Variants in NELL1 observed in about 807,000 individuals in gnomAD.
NELL1 encodes the protein protein kinase C-binding protein NELL1.
Under a neutral mutation model 107.4 loss-of-function variants are expected in NELL1, and 76 were observed. The ratio of observed to expected loss-of-function variants is 0.71; its 90% CI spans 0.59 to 0.86. The LOEUF is 0.86. NELL1 is among the 40% of genes least tolerant of loss of function. NELL1 has a pLI of 0.00. For synonymous variants in NELL1, 353 were observed against 341.2 expected (o/e 1.03, Z -0.38); for missense variants, 1,024 against 1,005.5 (o/e 1.02, Z -0.25).
In NELL1 at chr11:21,317,995, A is replaced by G. The variant is rs552434807; in HGVS notation, c.1550-52858A>G. On this transcript the variant is annotated intron_variant, in intron 14 of 19. Transcript: ENST00000357134. ...ATATGTATTTCTTATGGGGTAAGACATGGTGCCTCTATGTGCTTTCAAATG... is the reference window on the plus strand; with the variant it reads ...ATATGTATTTCTTATGGGGTAAGACGTGGTGCCTCTATGTGCTTTCAAATG... Among the ~76,000 whole-genome samples, 252 of 152,284 alleles carry G rather than the reference A, an allele frequency of 1.7e-3. 2 individuals are homozygous for G. The highest frequency in any genetic ancestry group is 5.7e-3 in the African/African-American group (237 of 41,560).
chr11:21,180,594 G>T (rs902942736), intron 13 of NELL1, among the ~76,000 whole-genome samples: 2 of 151,756 alleles, frequency 1.3e-5, no homozygotes, highest in South Asian at 4.2e-4. Flanking sequence ...AGCCATTTAG[G>T]GTTCAATTTG....
chr11:21,568,276 C>CA (rs897938565), intron 17 of NELL1, among the ~76,000 whole-genome samples: 1 of 151,612 alleles, frequency 6.6e-6, no homozygotes, highest in South Asian at 2.1e-4. Context: ...ATATAAAAGA[C>CA]AAAAAATGGT....
chr11:20,969,340 G>T (rs1851448244), intron 12 of NELL1, among the ~76,000 whole-genome samples: 1 of 152,134 alleles, frequency 6.6e-6, no homozygotes, highest in Non-Finnish European at 1.5e-5. Flanking sequence ...GTGCTAGAAA[G>T]AAAGCAATTC....
At chr11:20,824,025 C>A (rs1857818798) in intron 3 of NELL1, among the ~76,000 whole-genome samples, 1 of 151,242 alleles carries the variant, frequency 6.6e-6, no homozygotes, top group African/African-American at 2.4e-5. Context: ...TCATCTTGAG[C>A]TGTAATCCAA....
intron 14 of NELL1, chr11:21,284,432 G>C (rs1849067545): frequency 2.2e-6 from 1 of 457,686 alleles, no homozygotes; most frequent in Non-Finnish European, 4.4e-6. Flanking sequence ...ATGCAAAAAA[G>C]TGATGGCTGT....
chr11:21,182,092 C>A (rs984955833), intron 13 of NELL1, among the ~76,000 whole-genome samples: 1 of 151,864 alleles, frequency 6.6e-6, no homozygotes, highest in African/African-American at 2.4e-5. Context: ...GATGGTGGAG[C>A]TGAGATTCAA....
chr11:20,748,778 C>T lies in NELL1; in HGVS notation c.185-34902C>T, dbSNP rs143111420. The stretch of plus-strand genomic sequence containing the variant: ...GCTAAATAGTATTCCATAGTATATG[C>T]GTGTATATATATAATTTTCTTTATC... On this transcript the variant is annotated intron_variant, in intron 2 of 19. Coordinates refer to ENST00000357134, the MANE Select transcript of NELL1 (RefSeq NM_006157.5). 7.0e-3 allele frequency among the ~76,000 whole-genome samples: 1,045 copies of T among 150,278 alleles called. 25 individuals carry two copies. Among genetic ancestry groups the T allele is most frequent in the African/African-American group, 0.025 (996 of 39,754 alleles).
chr11:21,497,094 G>T (rs112114724), intron 15 of NELL1, among the ~76,000 whole-genome samples: 229 of 144,570 alleles, frequency 1.6e-3, no homozygotes, highest in African/African-American at 5.4e-3. Flanking sequence ...GCATACGTGT[G>T]CATGTGTCTT....
At chr11:21,070,688 A>G (rs966489874) in intron 12 of NELL1, among the ~76,000 whole-genome samples, 1 of 152,116 alleles carries the variant, frequency 6.6e-6, no homozygotes, top group Non-Finnish European at 1.5e-5. Flanking sequence ...AGCATATACC[A>G]TTCAGCACAG....
chr11:20,816,802 G>T (rs1000323587), intron 3 of NELL1, among the ~76,000 whole-genome samples: 2 of 152,030 alleles, frequency 1.3e-5, no homozygotes, highest in Non-Finnish European at 2.9e-5. Flanking sequence ...TTATTACTTT[G>T]ATGTATATTT....
chr11:21,226,143 AAC>A (rs1271887181), intron 13 of NELL1, among the ~76,000 whole-genome samples: 11 of 152,226 alleles, frequency 7.2e-5, no homozygotes, highest in South Asian at 2.1e-4. Context: ...GTCTCTATTA[AAC>A]ACAGTTTTGA....
intron 15 of NELL1, among the ~76,000 whole-genome samples, chr11:21,391,176 G>A (rs986006150): frequency 6.6e-6 from 1 of 151,742 alleles, no homozygotes; most frequent in Non-Finnish European, 1.5e-5. Flanking sequence ...TCAGAATATT[G>A]TAGGATTAAG....
At chr11:21,555,975 C>CAA (rs1214779422) in intron 16 of NELL1, among the ~76,000 whole-genome samples, 1 of 151,912 alleles carries the variant, frequency 6.6e-6, no homozygotes, top group East Asian at 1.9e-4. Context: ...ATTTATTGTG[C>CAA]AGGTTAAAAT....
rs147067365 is a variant in NELL1, at chr11:21,569,455, TATGATGATGATG to T, written c.1981-1282_1981-1271del. ...GATAAGTATTAAATACATGGTAGAA[TATGATGATGATG>T]ATGATGATGATGATGATGATGATGA... On this transcript the variant is annotated intron_variant, in intron 17 of 19. Transcript: ENST00000357134. 3.2e-3 allele frequency among the ~76,000 whole-genome samples: 485 copies of T among 149,774 alleles called. 4 individuals are homozygous for T. Among genetic ancestry groups the T allele is most frequent in the African/African-American group, 0.011 (450 of 40,812 alleles).
intron 5 of NELL1, among the ~76,000 whole-genome samples, chr11:20,901,891 T>C (rs1243875794): frequency 1.3e-5 from 2 of 152,082 alleles, no homozygotes; most frequent in Non-Finnish European, 2.9e-5. Flanking sequence ...GGAAAATCAG[T>C]TATTTAAAAA....
chr11:21,190,622 G>T (rs1857029983), intron 13 of NELL1, among the ~76,000 whole-genome samples: 1 of 151,760 alleles, frequency 6.6e-6, no homozygotes, highest in African/African-American at 2.4e-5. Context: ...CTTAAGTGTC[G>T]CTGCAGGCAT....
intron 3 of NELL1, among the ~76,000 whole-genome samples, chr11:20,787,579 TG>T (rs1331858668): frequency 6.6e-6 from 1 of 152,188 alleles, no homozygotes; most frequent in Non-Finnish European, 1.5e-5. Context: ...TCCAGGTATG[TG>T]GTAGATAGAT....
chr11:21,440,478 A>G (rs1853253043), intron 15 of NELL1, among the ~76,000 whole-genome samples: 1 of 152,198 alleles, frequency 6.6e-6, no homozygotes. Flanking sequence ...GGGTAAATTT[A>G]TATTCCGTGA....
intron 4 of NELL1, among the ~76,000 whole-genome samples, chr11:20,857,328 C>T (rs1051084573): frequency 1.3e-5 from 2 of 152,148 alleles, no homozygotes; most frequent in Admixed American, 1.3e-4. Context: ...GTTCTTTCAG[C>T]CATTCACCAC....
Sources: gnomAD v4.1 joint callset for allele counts (sites outside exome capture counted in the v4.1 genomes callset) on GRCh38, gnomAD v4.1.1 for gene constraint, MANE v1.5 for transcripts, NCBI Gene and HGNC (gene_info 2026-07-23, HGNC 2026-07-21) for gene names.